ENTREP2: variants seen among roughly 807,000 people sequenced by gnomAD.
ENTREP2 encodes the protein protein ENTREP2.
chr15:29,497,628 T>C, the ENTREP2 span, among the ~76,000 whole-genome samples: 1 of 152,204 alleles, frequency 6.6e-6, no homozygotes, highest in African/African-American at 2.4e-5. Context: ...GTGGTATCAA[T>C]TGTAATGTCT....
At chr15:29,380,906 G>A in the ENTREP2 span, among the ~76,000 whole-genome samples, 1 of 148,426 alleles carries the variant, frequency 6.7e-6, no homozygotes, top group Non-Finnish European at 1.5e-5. Flanking sequence ...GAGTGCAGTG[G>A]TGTGGCGCGA....
chr15:29,410,772 G>A, the ENTREP2 span, among the ~76,000 whole-genome samples: 889 of 152,144 alleles, frequency 5.8e-3, 36 homozygotes, highest in Admixed American at 0.046. Flanking sequence ...AGTCCATTTC[G>A]TTAGACCACA....
chr15:29,641,400 T>A, the ENTREP2 span, among the ~76,000 whole-genome samples: 7,047 of 152,170 alleles, frequency 0.046, 184 homozygotes, highest in South Asian at 0.065. Context: ...AATCCTGTCT[T>A]TACAAAATCC....
chr15:29,322,666 T>C, the ENTREP2 span, among the ~76,000 whole-genome samples: 1 of 152,228 alleles, frequency 6.6e-6, no homozygotes, highest in Non-Finnish European at 1.5e-5. Context: ...TTATCTTGTG[T>C]AAAGTGTCGA....
At chr15:29,587,099 G>A in the ENTREP2 span, among the ~76,000 whole-genome samples, 1 of 150,820 alleles carries the variant, frequency 6.6e-6, no homozygotes, top group African/African-American at 2.4e-5. Context: ...CTAGAAATGG[G>A]AATATGAGTT....
At chr15:29,497,449 T>C in the ENTREP2 span, among the ~76,000 whole-genome samples, 5 of 152,330 alleles carry the variant, frequency 3.3e-5, no homozygotes, top group East Asian at 5.8e-4. Flanking sequence ...TCTTACTCAT[T>C]ATTAGCCTGT....
chr15:29,453,823 A>G, the ENTREP2 span, among the ~76,000 whole-genome samples: 3 of 152,216 alleles, frequency 2.0e-5, no homozygotes, highest in African/African-American at 7.2e-5. Context: ...GCCACTGAAT[A>G]TTCTTTGAAA....
the ENTREP2 span, chr15:29,137,128 G>A: frequency 6.8e-7 from 1 of 1,476,380 alleles, no homozygotes; most frequent in South Asian, 1.4e-5. Flanking sequence ...TCCAGGGTCT[G>A]GTGGAGAACG....
At chr15:29,531,158 T>C in the ENTREP2 span, among the ~76,000 whole-genome samples, 4 of 152,236 alleles carry the variant, frequency 2.6e-5, no homozygotes, top group African/African-American at 9.6e-5. Context: ...ACGAGGGCTC[T>C]TGATTTCTCC....
chr15:29,506,001 G>A, the ENTREP2 span, among the ~76,000 whole-genome samples: 2 of 152,026 alleles, frequency 1.3e-5, no homozygotes, highest in Admixed American at 6.6e-5. Context: ...ATGCAAGGAC[G>A]CTAAGAGCCT....
At chr15:29,302,806 TTA>T in the ENTREP2 span, among the ~76,000 whole-genome samples, 1 of 152,224 alleles carries the variant, frequency 6.6e-6, no homozygotes, top group African/African-American at 2.4e-5. Flanking sequence ...TTCGCTTTTT[TTA>T]TGTTTATTTG....
chr15:29,358,102 C>A, the ENTREP2 span, among the ~76,000 whole-genome samples: 1 of 152,220 alleles, frequency 6.6e-6, no homozygotes, highest in East Asian at 1.9e-4. Context: ...GAACCCATGC[C>A]TATGTACCTG....
At chr15:29,510,668 A>T in the ENTREP2 span, among the ~76,000 whole-genome samples, 2 of 151,944 alleles carry the variant, frequency 1.3e-5, no homozygotes, top group African/African-American at 4.8e-5. Context: ...TTAGCCGGGC[A>T]TGGTGGCTGG....
At chr15:29,191,763 A>G in the ENTREP2 span, among the ~76,000 whole-genome samples, 1 of 152,130 alleles carries the variant, frequency 6.6e-6, no homozygotes, top group Non-Finnish European at 1.5e-5. Flanking sequence ...AACAATAAAA[A>G]ATTAGCTGGG....
the ENTREP2 span, among the ~76,000 whole-genome samples, chr15:29,241,540 T>C: frequency 1.3e-5 from 2 of 152,166 alleles, no homozygotes; most frequent in Non-Finnish European, 2.9e-5. Context: ...CTTGCATCTT[T>C]TACAATGAGA....
chr15:29,540,490 A>G, the ENTREP2 span, among the ~76,000 whole-genome samples: 3 of 152,226 alleles, frequency 2.0e-5, no homozygotes, highest in Non-Finnish European at 4.4e-5. Context: ...GCTCAGTGAA[A>G]CTCTTCTTAG....
chr15:29,215,735 G>A, the ENTREP2 span, among the ~76,000 whole-genome samples: 2 of 152,044 alleles, frequency 1.3e-5, no homozygotes, highest in Non-Finnish European at 2.9e-5. Context: ...CCCTTTTGGT[G>A]TCAATTTGCG....
chr15:29,331,496 C>T, the ENTREP2 span, among the ~76,000 whole-genome samples: 1 of 152,156 alleles, frequency 6.6e-6, no homozygotes, highest in Non-Finnish European at 1.5e-5. Context: ...ATCTTTCATA[C>T]CTCCAGAAAT....
the ENTREP2 span, among the ~76,000 whole-genome samples, chr15:29,459,739 T>G: frequency 6.6e-6 from 1 of 152,072 alleles, no homozygotes; most frequent in Non-Finnish European, 1.5e-5. Context: ...AGAAAGCCCA[T>G]GGACTCCCTT....
Sources: gnomAD v4.1 joint callset for allele counts (sites outside exome capture counted in the v4.1 genomes callset) on GRCh38, gnomAD v4.1.1 for gene constraint, MANE v1.5 for transcripts, NCBI Gene and HGNC (gene_info 2026-07-23, HGNC 2026-07-21) for gene names.